OR11G2: variants seen among roughly 807,000 people sequenced by gnomAD.
OR11G2 encodes olfactory receptor family 11 subfamily G member 2, also known as olfactory receptor 11G2.
In OR11G2, 2 loss-of-function variants were observed where a neutral mutation model predicts 0.9. The ratio of observed to expected loss-of-function variants is 2.35; its 90% CI spans 0.96 to 7.38. The LOEUF is 7.38. OR11G2 is among the 30% of genes most tolerant of loss of function. The pLI is 0.05. For synonymous variants in OR11G2, 153 were observed against 142.0 expected (o/e 1.08, Z -0.55); for missense variants, 395 against 371.3 (o/e 1.06, Z -0.52).
intron 1 of OR11G2, among the ~76,000 whole-genome samples, 160 bp downstream of exon 1, chr14:20,191,826 G>A (rs1301858428): frequency 6.6e-6 from 1 of 151,652 alleles, no homozygotes; most frequent in African/African-American, 2.4e-5. Flanking sequence ...TCGAAAAATT[G>A]CCCTGAGGGG....
chr14:20,197,973 A>G lies in OR11G2; in HGVS notation c.536A>G (p.Asp179Gly). 6.2e-6 allele frequency: 10 copies of G among 1,613,620 alleles called. No individual in the cohort carries two copies. The highest frequency in any genetic ancestry group is 8.5e-6 in the Non-Finnish European group (10 of 1,179,944). The change falls in exon 2 of 2, where the codon GAC (aspartate) becomes GGC (glycine). Residue 179 changes from aspartate (D) to glycine (G), a missense_variant. Transcript: ENST00000641879. ...QMSFCGSRII[D>G]HFLCDPAPLL... ...TCCTTCTGTGGATCTAGGATTATTG[A>G]CCACTTCCTATGTGACCCAGCTCCT... is the stretch of plus-strand genomic sequence containing the variant.
rs919036971 is a variant in OR11G2 at position 20,191,632 on chromosome 14, G to A, written c.-39G>A. On this transcript the variant is annotated 5_prime_UTR_variant, in exon 1 of 2. Transcript: ENST00000641879. ...AGCCCTGTGCCAGGTAAACACTGCT[G>A]CTGCTCTCTGTACAGAGGAGCTAGG... is the stretch of plus-strand genomic sequence containing the variant. The A allele has an allele frequency of 1.3e-5, 2 of 152,234 alleles. No individual in the cohort carries two copies. Among genetic ancestry groups the A allele is most frequent in the Non-Finnish European group, 2.9e-5 (2 of 68,068 alleles). The allele number at this position is 152,234 out of a possible 1,614,324, so 9.4% of individuals were successfully genotyped here.
At chr14:20,192,858 G>A (rs1265879897) in intron 1 of OR11G2, among the ~76,000 whole-genome samples, 3 of 152,194 alleles carry the variant, frequency 2.0e-5, no homozygotes, top group African/African-American at 7.2e-5. Context: ...GTACCCGGCT[G>A]TTTGTAAAAA....
rs55781225 is a variant in OR11G2, at chr14:20,198,016, C to CAA, written c.584_585dup (p.Gly196LysfsTer4). 1.2e-5 allele frequency: 20 copies of CAA among 1,613,284 alleles called. No individual in the cohort carries two copies. Among genetic ancestry groups the CAA allele is most frequent in the East Asian group, 1.1e-4 (5 of 44,836 alleles). Reference sequence around the variant, plus strand: ...CAGCTCCTCTTCTAACTCTCACTTGCAAAAAAGGCCCTGTGATAGAGCTTG... The same window carrying CAA: ...CAGCTCCTCTTCTAACTCTCACTTGCAAAAAAAAGGCCCTGTGATAGAGCTTG... On this transcript the variant is annotated frameshift_variant, in exon 2 of 2. Transcript: ENST00000641879. LOFTEE classifies it low-confidence loss of function (END_TRUNC).
At chr14:20,193,347 C>A (rs2139109395) in intron 1 of OR11G2, among the ~76,000 whole-genome samples, 1 of 152,278 alleles carries the variant, frequency 6.6e-6, no homozygotes, top group East Asian at 1.9e-4. Flanking sequence ...GTCTCGAACT[C>A]CTGAGCTCAA....
Position 20,197,723 on chromosome 14 carries a change from A to G in OR11G2, c.286A>G (p.Ile96Val). ...CAACTTCCTCTCTGACACCAAGATC[A>G]TCTCGTTCTCTGGCTGCTTCCTCCA... ...LANFLSDTKIISFSGCFLQFY... is the reference protein window; with the variant it reads ...LANFLSDTKIVSFSGCFLQFY... Residue 96 changes from isoleucine to valine, a missense_variant, in exon 2 of 2, where the codon ATC (isoleucine) becomes GTC (valine). Coordinates refer to ENST00000641879, the MANE Select transcript of OR11G2 (RefSeq NM_001386033.1). 6.2e-7 allele frequency: 1 copy of G among 1,613,832 alleles called. No homozygotes were observed.
rs1007733973 is a variant in OR11G2 at position 20,200,363 on chromosome 14, G to A, written c.*1990G>A. On this transcript the variant is annotated 3_prime_UTR_variant, in exon 2 of 2. Transcript: ENST00000641879. ...TATCCCAGTAAGAAAATGAGCAAAAGGATATAAACGAATAACATCCAGAAA... is the reference window on the plus strand; with the variant it reads ...TATCCCAGTAAGAAAATGAGCAAAAAGATATAAACGAATAACATCCAGAAA... 1.3e-5 allele frequency: 2 copies of A among 152,020 alleles called. No individual in the cohort carries two copies. Among genetic ancestry groups the A allele is most frequent in the Non-Finnish European group, 2.9e-5 (2 of 68,004 alleles). 9.4% of individuals were successfully genotyped at this position (152,020 alleles called of 1,614,324 possible).
intron 1 of OR11G2, among the ~76,000 whole-genome samples, chr14:20,194,049 G>A (rs1225958624): frequency 1.3e-5 from 2 of 152,208 alleles, no homozygotes; most frequent in African/African-American, 4.8e-5. Flanking sequence ...GTGTGTTTGT[G>A]TGTATGTGTG....
rs1468668675 is a variant in OR11G2, at chr14:20,199,335, T to G, written c.*962T>G. 1 of 152,246 alleles carries G rather than the reference T, an allele frequency of 6.6e-6. No homozygotes were observed. Among genetic ancestry groups the G allele is most frequent in the Non-Finnish European group, 1.5e-5 (1 of 68,076 alleles). The allele number at this position is 152,246 out of a possible 1,614,324, so 9.4% of individuals were successfully genotyped here. A position where few individuals can be genotyped will look rare whatever the true frequency, so the allele number is the denominator to read the frequency against. The stretch of plus-strand genomic sequence containing the variant: ...TTCTGTGGTCCTTCCCTCTCCAGGA[T>G]TTCTCAAACGCCAGGTGCTTTGGCA... On this transcript the variant is annotated 3_prime_UTR_variant, in exon 2 of 2. Transcript: ENST00000641879.
intron 1 of OR11G2, among the ~76,000 whole-genome samples, chr14:20,191,906 T>G (rs1456198287): frequency 4.6e-5 from 7 of 151,268 alleles, no homozygotes; most frequent in Admixed American, 2.6e-4. Flanking sequence ...TTTTTTTTTT[T>G]TTTTGAGACA....
intron 1 of OR11G2, among the ~76,000 whole-genome samples, chr14:20,192,625 T>C (rs759443726): frequency 1.3e-5 from 2 of 152,262 alleles, no homozygotes; most frequent in Admixed American, 6.5e-5. Flanking sequence ...CTCTCTTATA[T>C]ATTTCATTTC....
chr14:20,196,882 A>G (rs969269367), intron 1 of OR11G2, among the ~76,000 whole-genome samples: 2 of 152,228 alleles, frequency 1.3e-5, no homozygotes, highest in Admixed American at 6.5e-5. Flanking sequence ...TGATATTATT[A>G]AGTTAATAAG....
At position 20,197,848 on chromosome 14, in the gene OR11G2, A is replaced by G. The variant is rs758904177; in HGVS notation, c.411A>G (p.Pro137=). 1 of 1,614,086 alleles carries G rather than the reference A, an allele frequency of 6.2e-7. No homozygotes were observed. Among genetic ancestry groups the G allele is most frequent in the East Asian group, 2.2e-5 (1 of 44,880 alleles). The stretch of plus-strand genomic sequence containing the variant: ...CCATCTGTCGGCCTCTACGCTATCC[A>G]ACCATTATGACCAGACGTCTCTGTA... The part of the protein sequence containing the change: ...YLAICRPLRY[P]TIMTRRLCTN... Residue 137 remains proline, a synonymous_variant, in exon 2 of 2, where the codon CCA becomes CCG. Transcript: ENST00000641879.
Position 20,196,004 on chromosome 14 carries a change from T to C in OR11G2, c.-4-1430T>C, listed in dbSNP as rs116756762. Among the ~76,000 whole-genome samples the C allele has an allele frequency of 2.8e-3, 434 of 152,300 alleles. 2 individuals carry two copies. The highest frequency in any genetic ancestry group is 0.01 in the African/African-American group (416 of 41,562). ...ACAAAGAAAAAGGACTTTGCATTTC[T>C]AGGGTGGGAAACTGTGGGAAAATAA... On this transcript the variant is annotated intron_variant, in intron 1 of 1. Coordinates refer to ENST00000641879, the MANE Select transcript of OR11G2 (RefSeq NM_001386033.1).
chr14:20,197,257 A>G (rs1879770618), intron 1 of OR11G2, 177 bp from the exon 2 acceptor site: 1 of 797,934 alleles, frequency 1.3e-6, no homozygotes, highest in African/African-American at 1.7e-5. Flanking sequence ...TCAATACGTC[A>G]GTTTAAAAGA....
intron 1 of OR11G2, among the ~76,000 whole-genome samples, chr14:20,194,847 T>C (rs1470581831): frequency 6.6e-6 from 1 of 152,164 alleles, no homozygotes; most frequent in Non-Finnish European, 1.5e-5. Flanking sequence ...AGGTGTGACA[T>C]AGAAATGACT....
rs2139115926 is a variant in OR11G2, at chr14:20,198,292, T to C, written c.855T>C (p.Val285=). 2 of 1,613,766 alleles carry C rather than the reference T, an allele frequency of 1.2e-6. No individual in the cohort carries two copies. Among genetic ancestry groups the C allele is most frequent in the Middle Eastern group, 1.6e-4 (1 of 6,062 alleles). Residue 285 remains valine (V), a synonymous_variant, in exon 2 of 2, where the codon GTT becomes GTC. Coordinates refer to ENST00000641879, the MANE Select transcript of OR11G2 (RefSeq NM_001386033.1). ...CTGTGACTCTGTTTTATTCTGTTGT[T>C]ACCCCACTGCTTAACCCTGTGATAT... ...QKTVTLFYSV[V]TPLLNPVIYS...
intron 1 of OR11G2, among the ~76,000 whole-genome samples, chr14:20,195,788 G>A (rs573906074): frequency 3.3e-5 from 5 of 152,084 alleles, no homozygotes; most frequent in African/African-American, 7.2e-5. Context: ...TAGGTTCTTC[G>A]GCTGGGGCCT....
chr14:20,198,590 G>T lies in OR11G2; in HGVS notation c.*217G>T, dbSNP rs976148303. ...AAAAAATACAAAAAATTAGCCGGGC[G>T]TGGTGGCGGACGCCTGTAGTCCCAG... On this transcript the variant is annotated 3_prime_UTR_variant, in exon 2 of 2. Coordinates refer to ENST00000641879, the MANE Select transcript of OR11G2 (RefSeq NM_001386033.1). 1 of 305,494 alleles carries T rather than the reference G, an allele frequency of 3.3e-6. No individual in the cohort carries two copies. Among genetic ancestry groups the T allele is most frequent in the Non-Finnish European group, 6.1e-6 (1 of 165,234 alleles). The allele number at this position is 305,494 out of a possible 1,614,324, so 18.9% of individuals were successfully genotyped here.
Sources: gnomAD v4.1 joint callset for allele counts (sites outside exome capture counted in the v4.1 genomes callset) on GRCh38, gnomAD v4.1.1 for gene constraint, MANE v1.5 for transcripts, NCBI Gene and HGNC (gene_info 2026-07-23, HGNC 2026-07-21) for gene names.